Variants in AGR3 observed in about 807,000 individuals in gnomAD.
AGR3 encodes the protein anterior gradient 3, protein disulphide isomerase family member.
AGR3 carries 37 observed loss-of-function variants against 24.5 expected under a neutral mutation model. The ratio of observed to expected loss-of-function variants is 1.51; its 90% CI spans 1.16 to 1.99. The LOEUF is 1.99. AGR3 is among the 30% of genes most tolerant of loss of function. The pLI is 0.00. For synonymous variants in AGR3, 75 were observed against 61.6 expected (o/e 1.22, Z -1.02); for missense variants, 228 against 191.1 (o/e 1.19, Z -1.14).
intron 3 of AGR3, among the ~76,000 whole-genome samples, chr7:16,870,477 C>A (rs1423243562): frequency 2.0e-5 from 3 of 151,944 alleles, no homozygotes; most frequent in African/African-American, 7.2e-5. Flanking sequence ...TAATGGGACA[C>A]TTCTATTTGT....
intron 2 of AGR3, among the ~76,000 whole-genome samples, chr7:16,874,242 T>G (rs1302103379): frequency 6.6e-6 from 1 of 152,154 alleles, no homozygotes; most frequent in African/African-American, 2.4e-5. Context: ...TACAATGCCC[T>G]CCTATTTTGG....
downstream of AGR3, among the ~76,000 whole-genome samples, chr7:16,855,771 A>G (rs1342944224): frequency 6.6e-6 from 1 of 152,224 alleles, no homozygotes; most frequent in African/African-American, 2.4e-5. Flanking sequence ...TGTAAACTCA[A>G]GTAATCTATA....
intron 2 of AGR3, among the ~76,000 whole-genome samples, chr7:16,877,876 A>AG (rs55818138): frequency 0.19 from 27,933 of 146,840 alleles, 2,868 homozygotes; most frequent in Middle Eastern, 0.25. Flanking sequence ...AAAAAAAAAA[A>AG]AGAGAGAATT....
chr7:16,856,246 T>C (rs974665956), downstream of AGR3, among the ~76,000 whole-genome samples: 2 of 152,202 alleles, frequency 1.3e-5, no homozygotes, highest in African/African-American at 2.4e-5. Context: ...TTGGGAAAGA[T>C]TAAATGCTAG....
chr7:16,858,435 G>A (rs528255147), downstream of AGR3, among the ~76,000 whole-genome samples: 11 of 152,294 alleles, frequency 7.2e-5, no homozygotes, highest in Admixed American at 6.5e-4. Context: ...GTAAAGAACT[G>A]AGTTGATGAT....
intron 3 of AGR3, chr7:16,864,357 A>T: frequency 7.5e-7 from 1 of 1,333,070 alleles, no homozygotes; most frequent in Non-Finnish European, 1.1e-6. Context: ...CAGGCAGTTC[A>T]CTGGCACTAT....
chr7:16,873,545 C>T (rs1781924984), intron 3 of AGR3: 3 of 475,068 alleles, frequency 6.3e-6, no homozygotes, highest in Non-Finnish European at 1.1e-5. Context: ...CTATAGGGTA[C>T]ATACAGTTAA....
intron 3 of AGR3, 134 bp from the exon 4 acceptor site, chr7:16,862,796 A>G (rs1432208803): frequency 5.0e-6 from 3 of 599,760 alleles, no homozygotes; most frequent in African/African-American, 2.0e-5. Context: ...TCATAGCACT[A>G]TAGTCAATAG....
At chr7:16,871,380 T>C (rs1484355576) in intron 3 of AGR3, among the ~76,000 whole-genome samples, 1 of 152,198 alleles carries the variant, frequency 6.6e-6, no homozygotes, top group Non-Finnish European at 1.5e-5. Context: ...TGGCATCCTT[T>C]TGAAAACTAA....
intron 3 of AGR3, among the ~76,000 whole-genome samples, chr7:16,863,758 A>G (rs973920504): frequency 6.6e-6 from 1 of 151,926 alleles, no homozygotes; most frequent in African/African-American, 2.4e-5. Context: ...ATTTTATCTT[A>G]TTAGTCTCCC....
chr7:16,880,115 C>CCTTT (rs776397040), intron 1 of AGR3, among the ~76,000 whole-genome samples: 202 of 142,512 alleles, frequency 1.4e-3, no homozygotes, highest in South Asian at 5.8e-3. Flanking sequence ...TTCTTTCCTT[C>CCTTT]CTTCCTTCCT....
chr7:16,871,276 A>C (rs967133361), intron 3 of AGR3, among the ~76,000 whole-genome samples: 2 of 152,214 alleles, frequency 1.3e-5, no homozygotes, highest in Non-Finnish European at 2.9e-5. Context: ...TAATGAAGAC[A>C]TTAATACAGA....
chr7:16,881,861 A>G (rs1049660466), intron 1 of AGR3, 83 bp downstream of exon 1: 4 of 461,122 alleles, frequency 8.7e-6, no homozygotes, highest in Non-Finnish European at 1.8e-5. Context: ...TGAAAGCTTC[A>G]CTTTTAAATA....
intron 2 of AGR3, among the ~76,000 whole-genome samples, chr7:16,875,526 T>A (rs1781970746): frequency 6.6e-6 from 1 of 152,190 alleles, no homozygotes; most frequent in Admixed American, 6.5e-5. Context: ...GATATTTGGG[T>A]TGTTTCCACT....
chr7:16,863,141 G>A (rs1305662866), intron 3 of AGR3, among the ~76,000 whole-genome samples: 3 of 152,214 alleles, frequency 2.0e-5, no homozygotes, highest in African/African-American at 4.8e-5. Flanking sequence ...GGGGTTAGGG[G>A]TGGTTTCAGG....
chr7:16,875,469 C>G (rs948902665), intron 2 of AGR3, among the ~76,000 whole-genome samples: 1 of 152,004 alleles, frequency 6.6e-6, no homozygotes, highest in South Asian at 2.1e-4. Context: ...AAATATTATT[C>G]CATTGTATGA....
At position 16,864,902 on chromosome 7, in the gene AGR3, C is replaced by T. The variant is rs1781724948; in HGVS notation, c.174-2240G>A. ...CCTGCAAAACTTAGAAATTCACTGG[C>T]TCTCACAATATCATCAATTTCCATG... On this transcript the variant is annotated intron_variant, in intron 3 of 7. Transcript: ENST00000310398. 1.0e-5 allele frequency: 9 copies of T among 893,876 alleles called. No individual in the cohort carries two copies. The South Asian group carries it at 1.2e-4, about 12-fold the overall frequency. The allele number at this position is 893,876 out of a possible 1,614,324, so 55.4% of individuals were successfully genotyped here.
intron 3 of AGR3, chr7:16,864,996 T>A: frequency 1.0e-6 from 1 of 967,320 alleles, no homozygotes. Context: ...ACATTTCTAC[T>A]ACCTCCTCAG....
chr7:16,878,916 G>C (rs566824711), intron 1 of AGR3, among the ~76,000 whole-genome samples: 1 of 152,204 alleles, frequency 6.6e-6, no homozygotes, highest in African/African-American at 2.4e-5. Context: ...CAGGGCACAC[G>C]AAGCCTGCTT....
Sources: gnomAD v4.1 joint callset for allele counts (sites outside exome capture counted in the v4.1 genomes callset) on GRCh38, gnomAD v4.1.1 for gene constraint, MANE v1.5 for transcripts, NCBI Gene and HGNC (gene_info 2026-07-23, HGNC 2026-07-21) for gene names.